PDZRN3: variants seen among roughly 807,000 people sequenced by gnomAD.
PDZRN3 encodes the protein PDZ domain containing ring finger 3.
A neutral mutation model predicts 85.7 loss-of-function variants in PDZRN3; 38 were observed. The observed-to-expected ratio is 0.44, with a 90% confidence interval of 0.34 to 0.58. The LOEUF is 0.58. Ranked by LOEUF, PDZRN3 falls within the 20% of genes least tolerant of loss-of-function variation. The pLI, the probability that PDZRN3 is intolerant of heterozygous loss-of-function variation, is 0.01. For synonymous variants in PDZRN3, 759 were observed against 638.0 expected (o/e 1.19, Z -2.86); for missense variants, 1,629 against 1,506.4 (o/e 1.08, Z -1.35).
chr3:73,573,552 C>A (rs911028327), intron 3 of PDZRN3, among the ~76,000 whole-genome samples: 7 of 152,166 alleles, frequency 4.6e-5, no homozygotes, highest in African/African-American at 1.7e-4. Context: ...ACTACAATGG[C>A]AGAGTTGAGT....
chr3:73,542,235 A>C (rs974217338), intron 3 of PDZRN3, among the ~76,000 whole-genome samples: 2 of 152,186 alleles, frequency 1.3e-5, no homozygotes, highest in Non-Finnish European at 2.9e-5. Context: ...CAGCAGAAAT[A>C]TTTTACAGGT....
intron 3 of PDZRN3, among the ~76,000 whole-genome samples, chr3:73,457,486 G>C (rs909604744): frequency 1.3e-5 from 2 of 152,088 alleles, no homozygotes; most frequent in African/African-American, 4.8e-5. Flanking sequence ...TTGGGTTCCA[G>C]AGAGAACCAA....
intron 1 of PDZRN3, among the ~76,000 whole-genome samples, chr3:73,619,827 A>C (rs4677318): frequency 0.66 from 100,363 of 152,026 alleles, 33,326 homozygotes; most frequent in East Asian, 0.73. Context: ...ATACACATTT[A>C]TAAGAGATTA....
Position 73,421,233 on chromosome 3 carries a change from T to C in PDZRN3, c.919-16838A>G, listed in dbSNP as rs755727794. Among the ~76,000 whole-genome samples, 14 of 152,208 alleles carry C rather than the reference T, an allele frequency of 9.2e-5. 1 individual carries two copies. The highest frequency in any genetic ancestry group is 2.0e-4 in the Admixed American group (3 of 15,276). On this transcript the variant is annotated intron_variant, in intron 3 of 9. Coordinates refer to ENST00000263666, the MANE Select transcript of PDZRN3 (RefSeq NM_015009.3). ...ACTCACACACACATTAAAGCTCACCTGGACACTCCTAACACCCTAGGAGAA... is the reference window on the plus strand; with the variant it reads ...ACTCACACACACATTAAAGCTCACCCGGACACTCCTAACACCCTAGGAGAA...
intron 3 of PDZRN3, among the ~76,000 whole-genome samples, chr3:73,508,848 G>T (rs556417994): frequency 6.6e-6 from 1 of 152,018 alleles, no homozygotes; most frequent in Non-Finnish European, 1.5e-5. Context: ...CCATAACCAA[G>T]GCCCTCTCAT....
chr3:73,491,592 C>CTTTTTTTTTTTTT lies in PDZRN3; in HGVS notation c.919-87198_919-87197insAAAAAAAAAAAAA, dbSNP rs367581488. Among the ~76,000 whole-genome samples the CTTTTTTTTTTTTT allele has an allele frequency of 1.0e-4, 12 of 117,506 alleles. 3 individuals carry two copies. The highest frequency in any genetic ancestry group is 1.7e-4 in the Admixed American group (2 of 11,672). The allele number at this position is 117,506 out of a possible 152,430, so 77.1% of individuals were successfully genotyped here. On this transcript the variant is annotated intron_variant, in intron 3 of 9. Coordinates refer to ENST00000263666, the MANE Select transcript of PDZRN3 (RefSeq NM_015009.3). ...AAAGAAAAACCTTGTGTGGAAGGTT[C>CTTTTTTTTTTTTT]CTTTTTTTTTTTTAAGAAGCAGGGT...
chr3:73,502,886 C>T (rs1352760900), intron 3 of PDZRN3, among the ~76,000 whole-genome samples: 1 of 152,154 alleles, frequency 6.6e-6, no homozygotes, highest in Non-Finnish European at 1.5e-5. Context: ...CCTGCTGGCT[C>T]ACAGGTGACA....
At position 73,556,443 on chromosome 3, in the gene PDZRN3, AT is replaced by A. The variant is rs66590898; in HGVS notation, c.918+45910del. On this transcript the variant is annotated intron_variant, in intron 3 of 9. Coordinates refer to ENST00000263666, the MANE Select transcript of PDZRN3 (RefSeq NM_015009.3). The stretch of plus-strand genomic sequence containing the variant: ...TACCAAAATTTCCATATATATTTTT[AT>A]CAAAAGATTTCAGAAAGCTAAATAA... Among the ~76,000 whole-genome samples, 1,410 of 152,302 alleles carry A rather than the reference AT, an allele frequency of 9.3e-3. 21 individuals are homozygous for A. Among genetic ancestry groups the A allele is most frequent in the African/African-American group, 0.033 (1,356 of 41,570 alleles).
intron 3 of PDZRN3, among the ~76,000 whole-genome samples, chr3:73,525,296 C>G (rs1453875235): frequency 6.6e-6 from 1 of 151,984 alleles, no homozygotes; most frequent in Non-Finnish European, 1.5e-5. Flanking sequence ...TCTATGTATA[C>G]GTGTGTGTAT....
chr3:73,483,322 A>G (rs2106639870), intron 3 of PDZRN3, among the ~76,000 whole-genome samples: 1 of 152,342 alleles, frequency 6.6e-6, no homozygotes, highest in South Asian at 2.1e-4. Flanking sequence ...AAGAAAGAGC[A>G]GTTGACTTAA....
intron 5 of PDZRN3, among the ~76,000 whole-genome samples, chr3:73,396,565 C>T (rs770921358): frequency 1.2e-4 from 19 of 152,172 alleles, no homozygotes; most frequent in South Asian, 2.1e-4. Flanking sequence ...AATCCTGGTT[C>T]CCTTCTGATA....
chr3:73,490,699 A>G (rs1016391677), intron 3 of PDZRN3, among the ~76,000 whole-genome samples: 1 of 152,378 alleles, frequency 6.6e-6, no homozygotes, highest in South Asian at 2.1e-4. Context: ...CTATTCAGTC[A>G]TAGTCACATA....
intron 3 of PDZRN3, among the ~76,000 whole-genome samples, chr3:73,595,036 T>C (rs2106885599): frequency 6.6e-6 from 1 of 152,266 alleles, no homozygotes; most frequent in Middle Eastern, 3.4e-3. Flanking sequence ...ACAATGCTCA[T>C]CTCCACTCAA....
At chr3:73,563,000 TATATATATATA>T (rs1701858493) in intron 3 of PDZRN3, among the ~76,000 whole-genome samples, 1 of 34,962 alleles carries the variant, frequency 2.9e-5, no homozygotes, top group Non-Finnish European at 5.2e-5. Flanking sequence ...TATATATATA[TATATATATATA>T]TATTTTTTTT....
intron 3 of PDZRN3, among the ~76,000 whole-genome samples, chr3:73,458,252 G>T (rs1435345814): frequency 6.6e-6 from 1 of 152,004 alleles, no homozygotes. Context: ...CAGTCTTCAT[G>T]AGTGGATTCT....
At chr3:73,424,908 G>A (rs903603152) in intron 3 of PDZRN3, among the ~76,000 whole-genome samples, 5 of 152,234 alleles carry the variant, frequency 3.3e-5, no homozygotes, top group East Asian at 1.9e-4. Flanking sequence ...GAAGCAACAC[G>A]AACTTCTCTA....
rs779941014 is a variant in PDZRN3, at chr3:73,383,832, G to A, written c.2734C>T (p.Pro912Ser). 1.9e-6 allele frequency: 3 copies of A among 1,613,606 alleles called. No individual in the cohort carries two copies. The highest frequency in any genetic ancestry group is 1.7e-5 in the Admixed American group (1 of 60,030). ...LVSMCKDLSSPTPSEPRMEWK... is the reference protein window; with the variant it reads ...LVSMCKDLSSSTPSEPRMEWK... ...TCCATGCGCGGCTCCGACGGGGTGG[G>A]AGAGCTCAGGTCCTTGCACATGCTC... Residue 912 changes from proline (P) to serine (S), a missense_variant, in exon 10 of 10, where the codon CCC (proline) becomes TCC (serine). Coordinates refer to ENST00000263666, the MANE Select transcript of PDZRN3 (RefSeq NM_015009.3).
intron 3 of PDZRN3, among the ~76,000 whole-genome samples, chr3:73,440,042 AT>A (rs59986175): frequency 0.11 from 16,387 of 149,256 alleles, 2,752 homozygotes; most frequent in African/African-American, 0.37. Flanking sequence ...CCAGACTCTT[AT>A]TTTTTTTTTG....
At chr3:73,476,242 G>C (rs1231961922) in intron 3 of PDZRN3, among the ~76,000 whole-genome samples, 4 of 152,144 alleles carry the variant, frequency 2.6e-5, no homozygotes, top group Admixed American at 6.5e-5. Context: ...AGCATGGCTG[G>C]GGAGGCCTCA....
Sources: gnomAD v4.1 joint callset for allele counts (sites outside exome capture counted in the v4.1 genomes callset) on GRCh38, gnomAD v4.1.1 for gene constraint, MANE v1.5 for transcripts, NCBI Gene and HGNC (gene_info 2026-07-23, HGNC 2026-07-21) for gene names.